NPHP4: variants seen among roughly 807,000 people sequenced by gnomAD.
The protein encoded by NPHP4 is nephrocystin 4.
A neutral mutation model predicts 155.8 loss-of-function variants in NPHP4; 151 were observed. That is an observed-to-expected ratio of 0.97 (90% confidence interval 0.85 to 1.11). The LOEUF (loss-of-function observed/expected upper bound fraction) is 1.11, where lower values mean the gene tolerates loss of function less well. NPHP4 is among the 50% of genes least tolerant of loss of function. The pLI is 0.00. For synonymous variants in NPHP4, 845 were observed against 816.8 expected, an observed-to-expected ratio of 1.03 and a Z score of -0.59; for missense variants, 1,956 against 1,925.7, an observed-to-expected ratio of 1.02 and a Z score of -0.29.
intron 26 of NPHP4, 194 bp downstream of exon 26, chr1:5,866,179 C>T (rs183178122): frequency 1.2e-5 from 7 of 608,430 alleles, no homozygotes; most frequent in Admixed American, 2.6e-5. Context: ...CTGCACGTGC[C>T]CCTCCAAGGT....
Position 5,868,942 on chromosome 1 carries a change from A to G in NPHP4, c.3316-1046T>C, listed in dbSNP as rs547272149. ...CATGTACACACATGCATGCACCCAC[A>G]TGCACACACACACAATGCACACACA... On this transcript the variant is annotated intron_variant, in intron 23 of 29. Transcript: ENST00000378156. Among the ~76,000 whole-genome samples the G allele has an allele frequency of 5.1e-4, 71 of 138,640 alleles. 1 individual carries two copies. The highest frequency in any genetic ancestry group is 4.2e-3 in the East Asian group (18 of 4,306). The allele number at this position is 138,640 out of a possible 152,430, so 91.0% of individuals were successfully genotyped here.
At chr1:5,913,599 G>GATCA (rs1645301026) in intron 11 of NPHP4, among the ~76,000 whole-genome samples, 1 of 152,178 alleles carries the variant, frequency 6.6e-6, no homozygotes, top group African/African-American at 2.4e-5. Context: ...CCCAACCCCG[G>GATCA]GAGGCCACGC....
chr1:5,985,555 C>T (rs1287565847), intron 2 of NPHP4, among the ~76,000 whole-genome samples: 4 of 152,256 alleles, frequency 2.6e-5, no homozygotes, highest in African/African-American at 9.6e-5. Context: ...CACAAGGCCA[C>T]CTGGCTCACA....
At chr1:5,938,406 C>A (rs1410512212) in intron 9 of NPHP4, among the ~76,000 whole-genome samples, 2 of 152,190 alleles carry the variant, frequency 1.3e-5, no homozygotes, top group Non-Finnish European at 2.9e-5. Context: ...ACAACAGCAG[C>A]ACAGCCACTG....
chr1:5,977,186 G>A (rs982761647), intron 3 of NPHP4, among the ~76,000 whole-genome samples: 14 of 152,030 alleles, frequency 9.2e-5, no homozygotes, highest in African/African-American at 2.2e-4. Context: ...CCATGACATC[G>A]CCGGCTGTTA....
At chr1:5,967,071 G>A (rs994724335) in intron 5 of NPHP4, among the ~76,000 whole-genome samples, 1 of 152,164 alleles carries the variant, frequency 6.6e-6, no homozygotes, top group Non-Finnish European at 1.5e-5. Context: ...AGGCGCTCCC[G>A]TGCTCATCCC....
chr1:5,967,545 G>A (rs1249957641), intron 4 of NPHP4, among the ~76,000 whole-genome samples, 182 bp from the exon 5 acceptor site: 1 of 152,236 alleles, frequency 6.6e-6, no homozygotes, highest in Non-Finnish European at 1.5e-5. Flanking sequence ...TGGTGCTTGT[G>A]GCCAAGCATG....
chr1:5,936,828 G>A (rs1292627013), intron 9 of NPHP4, among the ~76,000 whole-genome samples: 2 of 152,186 alleles, frequency 1.3e-5, no homozygotes, highest in African/African-American at 4.8e-5. Context: ...CGGAACCTGT[G>A]GCTGTGGCTT....
intron 16 of NPHP4, among the ~76,000 whole-genome samples, chr1:5,901,884 G>A (rs1358517687): frequency 6.6e-6 from 1 of 152,210 alleles, no homozygotes; most frequent in Non-Finnish European, 1.5e-5. Flanking sequence ...ACTGAAAAAG[G>A]AAAGGTGGTT....
intron 16 of NPHP4, among the ~76,000 whole-genome samples, chr1:5,893,340 A>G (rs1644236036): frequency 6.6e-6 from 1 of 152,220 alleles, no homozygotes; most frequent in Non-Finnish European, 1.5e-5. Flanking sequence ...GCTGTTATTT[A>G]TTGGATACAA....
rs1646079510 is a variant in NPHP4, at chr1:5,927,720, G to A, written c.1370C>T (p.Ala457Val). ...FSLGSEEHLD[A>V]PTEPVSGPKV... ...GGGGCCACTGACAGGCTCCGTGGGT[G>A]CATCCAGGTGTTCTTCTGAGCCCAG... Residue 457 changes from alanine (A) to valine (V), a missense_variant, in exon 11 of 30, where the codon GCA (alanine) becomes GTA (valine). Ala to Val is a moderately conservative substitution (Grantham distance 64). Transcript: ENST00000378156. 6.2e-7 allele frequency: 1 copy of A among 1,613,406 alleles called. No individual in the cohort carries two copies. Among genetic ancestry groups the A allele is most frequent in the Non-Finnish European group, 8.5e-7 (1 of 1,179,454 alleles).
chr1:5,907,324 G>T, intron 12 of NPHP4, 102 bp from the exon 13 acceptor site: 1 of 686,926 alleles, frequency 1.5e-6, no homozygotes, highest in Non-Finnish European at 2.3e-6. Context: ...GGTAGCCCTG[G>T]ATCCAGCCAC....
intron 2 of NPHP4, among the ~76,000 whole-genome samples, chr1:5,979,465 T>C (rs1029895886): frequency 3.3e-5 from 5 of 152,156 alleles, no homozygotes; most frequent in African/African-American, 1.2e-4. Flanking sequence ...TCAAAGGTCC[T>C]GAGAGGAAGA....
rs1433239182 is a variant in NPHP4 at position 5,880,177 on chromosome 1, T to C, written c.2548A>G (p.Ile850Val). 2.5e-6 allele frequency: 4 copies of C among 1,613,642 alleles called. No homozygotes were observed. The highest frequency in any genetic ancestry group is 1.3e-5 in the African/African-American group (1 of 74,918). ...AAGCGGCTGGCTCCATCGTTTGAGA[T>C]GACCCGAGATCTGGACGGTGGCAAT... ...STLPPSRSRV[I>V]SNDGASRFSG... Residue 850 changes from isoleucine to valine, a missense_variant, in exon 19 of 30, where the codon ATC becomes GTC. Coordinates refer to ENST00000378156, the MANE Select transcript of NPHP4 (RefSeq NM_015102.5).
At chr1:5,932,693 G>A (rs1181649316) in intron 10 of NPHP4, among the ~76,000 whole-genome samples, 1 of 151,250 alleles carries the variant, frequency 6.6e-6, no homozygotes, top group Non-Finnish European at 1.5e-5. Flanking sequence ...AATCTCTGCT[G>A]TGGTCCTACC....
At chr1:5,863,465 CA>C in intron 29 of NPHP4, 60 bp from the exon 30 acceptor site, 1 of 1,577,836 alleles carries the variant, frequency 6.3e-7, no homozygotes, top group South Asian at 1.1e-5. Flanking sequence ...CTCTCACCAG[CA>C]ACCTCTCTGC....
intron 9 of NPHP4, among the ~76,000 whole-genome samples, chr1:5,940,059 C>G (rs1005219502): frequency 6.6e-6 from 1 of 152,150 alleles, no homozygotes; most frequent in African/African-American, 2.4e-5. Context: ...AAAATCAGAA[C>G]TACCGCTCAT....
At chr1:5,977,716 C>A (rs529282460) in intron 3 of NPHP4, among the ~76,000 whole-genome samples, 1 of 149,732 alleles carries the variant, frequency 6.7e-6, no homozygotes, top group Non-Finnish European at 1.5e-5. Flanking sequence ...AGTGAAAACA[C>A]GCTGCTCAAC....
intron 23 of NPHP4, among the ~76,000 whole-genome samples, chr1:5,870,001 T>A (rs1010142172): frequency 6.6e-6 from 1 of 152,214 alleles, no homozygotes; most frequent in African/African-American, 2.4e-5. Flanking sequence ...TATGCACATA[T>A]TGTGTATGTA....
Sources: allele counts gnomAD v4.1 joint callset (sites outside exome capture counted in the v4.1 genomes callset), GRCh38; gene constraint gnomAD v4.1.1; transcripts MANE v1.5; gene names NCBI Gene and HGNC (gene_info 2026-07-23, HGNC 2026-07-21).